Variants in ASIC2 observed in about 807,000 individuals in gnomAD.
ASIC2 encodes acid sensing ion channel subunit 2.
A neutral mutation model predicts 57.3 loss-of-function variants in ASIC2; 25 were observed. That is an observed-to-expected ratio of 0.44 (90% CI 0.32 to 0.61). The LOEUF is 0.61. Ranked by LOEUF, ASIC2 falls within the 20% of genes least tolerant of loss-of-function variation. ASIC2 has a pLI of 0.06. For synonymous variants in ASIC2, 319 were observed against 307.5 expected (o/e 1.04, Z -0.39); for missense variants, 641 against 738.1 (o/e 0.87, Z 1.52).
intron 1 of ASIC2, among the ~76,000 whole-genome samples, chr17:34,047,090 C>A (rs1044077633): frequency 6.6e-6 from 1 of 152,076 alleles, no homozygotes; most frequent in African/African-American, 2.4e-5. Context: ...TGTCTTATAC[C>A]TAATAAATGG....
intron 1 of ASIC2, among the ~76,000 whole-genome samples, chr17:33,453,964 C>T (rs1426155760): frequency 1.3e-5 from 2 of 152,138 alleles, no homozygotes; most frequent in Non-Finnish European, 2.9e-5. Flanking sequence ...ATCAATAGGT[C>T]ATTCCTTTTA....
intron 3 of ASIC2, among the ~76,000 whole-genome samples, chr17:33,078,213 A>G (rs1334382953): frequency 1.3e-5 from 2 of 151,998 alleles, no homozygotes; most frequent in Non-Finnish European, 2.9e-5. Context: ...ATAAGCAGCC[A>G]GCTTTTGATG....
chr17:33,135,039 C>T (rs1296496643), intron 1 of ASIC2, among the ~76,000 whole-genome samples: 2 of 152,170 alleles, frequency 1.3e-5, no homozygotes, highest in Non-Finnish European at 2.9e-5. Flanking sequence ...GATGAAGACA[C>T]TGTGACTCGG....
chr17:33,995,880 A>ATATATT (rs1906143847), intron 1 of ASIC2, among the ~76,000 whole-genome samples: 1 of 152,220 alleles, frequency 6.6e-6, no homozygotes, highest in Admixed American at 6.5e-5. Flanking sequence ...ATCCAGAAGT[A>ATATATT]GGATTGCTGG....
intron 1 of ASIC2, among the ~76,000 whole-genome samples, chr17:33,144,888 G>A (rs1018658767): frequency 3.3e-5 from 5 of 152,162 alleles, no homozygotes; most frequent in African/African-American, 1.2e-4. Flanking sequence ...GGATGAATCC[G>A]ATCTGAGTCA....
intron 8 of ASIC2, among the ~76,000 whole-genome samples, 172 bp downstream of exon 8, chr17:33,017,433 C>T (rs933945882): frequency 6.6e-6 from 1 of 152,160 alleles, no homozygotes; most frequent in Non-Finnish European, 1.5e-5. Flanking sequence ...ACCTCCCATC[C>T]CCTTGCCCCA....
rs74251444 is a variant in ASIC2, at chr17:33,232,254, C to A, written c.708+59154G>T. Among the ~76,000 whole-genome samples the A allele has an allele frequency of 0.01, 1,594 of 152,238 alleles. 63 individuals are homozygous for A. The East Asian group carries it at 0.13, about 13-fold the overall frequency. On this transcript the variant is annotated intron_variant, in intron 1 of 9. Transcript: ENST00000225823. The stretch of plus-strand genomic sequence containing the variant: ...GCAAGGACACAGTGAGAAGGAGGCC[C>A]TCTGCAAGCCAGGAGAAGAGCCCTC...
chr17:33,846,868 A>G (rs317390), intron 1 of ASIC2, among the ~76,000 whole-genome samples: 112,079 of 151,920 alleles, frequency 0.74, 41,639 homozygotes, highest in East Asian at 0.96. Flanking sequence ...TAACGTTTTA[A>G]GTCTACGGTC....
chr17:34,130,526 A>G (rs945044218), intron 1 of ASIC2, among the ~76,000 whole-genome samples: 12 of 152,244 alleles, frequency 7.9e-5, no homozygotes, highest in African/African-American at 2.9e-4. Context: ...ACACAGGGAA[A>G]GAGACAAGAA....
At chr17:33,160,391 T>G (rs181067232) in intron 1 of ASIC2, among the ~76,000 whole-genome samples, 170 of 152,266 alleles carry the variant, frequency 1.1e-3, no homozygotes, top group African/African-American at 4.0e-3. Context: ...AACTCAAGAC[T>G]TGTGGGCATA....
At chr17:33,608,509 C>T (rs527402505) in intron 1 of ASIC2, among the ~76,000 whole-genome samples, 2 of 152,254 alleles carry the variant, frequency 1.3e-5, no homozygotes, top group East Asian at 3.9e-4. Context: ...CTTGACTGCC[C>T]TGAGCCTCCA....
chr17:33,542,939 T>C (rs1915463195), intron 1 of ASIC2, among the ~76,000 whole-genome samples: 1 of 151,988 alleles, frequency 6.6e-6, no homozygotes, highest in African/African-American at 2.4e-5. Flanking sequence ...ATATACACCA[T>C]GGAATACTAT....
intron 1 of ASIC2, among the ~76,000 whole-genome samples, chr17:33,275,700 C>T (rs994769850): frequency 6.6e-6 from 1 of 152,198 alleles, no homozygotes; most frequent in Non-Finnish European, 1.5e-5. Flanking sequence ...TAAAATCTGT[C>T]TATGGAAAAG....
At chr17:34,068,834 T>C in intron 1 of ASIC2, among the ~76,000 whole-genome samples, 1 of 152,116 alleles carries the variant, frequency 6.6e-6, no homozygotes, top group East Asian at 1.9e-4. Flanking sequence ...GGGGAGCAGG[T>C]GGTGGCTGTC....
At chr17:33,485,996 C>G (rs1913563823) in intron 1 of ASIC2, among the ~76,000 whole-genome samples, 1 of 152,184 alleles carries the variant, frequency 6.6e-6, no homozygotes, top group Non-Finnish European at 1.5e-5. Context: ...CCACCTTGCC[C>G]CCGCCTCACG....
intron 1 of ASIC2, among the ~76,000 whole-genome samples, chr17:33,263,794 A>T (rs1909367871): frequency 1.3e-5 from 2 of 152,222 alleles, no homozygotes; most frequent in South Asian, 4.1e-4. Flanking sequence ...CATTCTGCTT[A>T]CAAGAAGAAT....
At chr17:33,046,316 GTATTT>G (rs2091954655) in intron 3 of ASIC2, among the ~76,000 whole-genome samples, 1 of 152,146 alleles carries the variant, frequency 6.6e-6, no homozygotes, top group African/African-American at 2.4e-5. Flanking sequence ...TTCAATGGGT[GTATTT>G]GAAATGGAAG....
At chr17:33,541,827 T>C (rs1428577313) in intron 1 of ASIC2, among the ~76,000 whole-genome samples, 3 of 152,146 alleles carry the variant, frequency 2.0e-5, no homozygotes, top group Non-Finnish European at 2.9e-5. Context: ...TCTGCTTCCA[T>C]GCATCCTTCA....
chr17:33,314,059 G>T (rs750667984), intron 1 of ASIC2, among the ~76,000 whole-genome samples: 14 of 152,104 alleles, frequency 9.2e-5, no homozygotes, highest in Non-Finnish European at 2.1e-4. Flanking sequence ...ATGTGTGGGT[G>T]GCACTATCAC....
Sources: gnomAD v4.1 joint callset for allele counts (sites outside exome capture counted in the v4.1 genomes callset) on GRCh38, gnomAD v4.1.1 for gene constraint, MANE v1.5 for transcripts, NCBI Gene and HGNC (gene_info 2026-07-23, HGNC 2026-07-21) for gene names.